Variants in ESR2 observed in about 807,000 individuals in gnomAD.
ESR2 encodes estrogen receptor beta.
A neutral mutation model predicts 49.6 loss-of-function variants in ESR2; 36 were observed. The observed-to-expected ratio is 0.73, with a 90% CI of 0.56 to 0.96. The LOEUF (loss-of-function observed/expected upper bound fraction) is 0.96, where lower values mean the gene tolerates loss of function less well. Among genes scored for constraint, ESR2 ranks in the 40% least tolerant of loss-of-function variants. The pLI is 0.00. For missense variants in ESR2, 714 were observed against 693.0 expected (o/e 1.03, Z -0.34); for synonymous variants, 320 against 266.1 (o/e 1.20, Z -1.97).
chr14:64,287,827 C>T (rs2076806335), intron 1 of ESR2, among the ~76,000 whole-genome samples: 1 of 152,148 alleles, frequency 6.6e-6, no homozygotes, highest in African/African-American at 2.4e-5. Flanking sequence ...ATTTCTTTAA[C>T]ATTGTAGGGC....
In ESR2 at chr14:64,229,612, A is replaced by AAGAAAAAT. The variant is rs2098725376; in HGVS notation, c.*3524_*3525insATTTTTCT. ...TGCAGTTTTAAAATATTTTTCTTTA[A>AAGAAAAAT]ATTTTTAAACTGTTTGAAGTGCATG... is the stretch of plus-strand genomic sequence containing the variant. On this transcript the variant is annotated 3_prime_UTR_variant, in exon 9 of 9. Coordinates refer to ENST00000341099, the MANE Select transcript of ESR2 (RefSeq NM_001437.3). Among the ~76,000 whole-genome samples the AAGAAAAAT allele has an allele frequency of 2.0e-5, 3 of 152,068 alleles. No individual in the cohort carries two copies. Among genetic ancestry groups the AAGAAAAAT allele is most frequent in the Non-Finnish European group, 2.9e-5 (2 of 68,000 alleles).
intron 3 of ESR2, among the ~76,000 whole-genome samples, chr14:64,275,939 GATTT>G (rs542543567): frequency 3.2e-4 from 49 of 152,054 alleles, no homozygotes; most frequent in Non-Finnish European, 5.6e-4. Context: ...AAAATGAATG[GATTT>G]ATTAAGTAAA....
chr14:64,323,956 T>G (rs1051152853), intron 1 of ESR2, among the ~76,000 whole-genome samples: 5 of 152,228 alleles, frequency 3.3e-5, no homozygotes. Flanking sequence ...CCTCCCAAAG[T>G]GCTGGGATTA....
intron 3 of ESR2, among the ~76,000 whole-genome samples, chr14:64,273,655 G>A (rs2076495052): frequency 6.6e-6 from 1 of 152,096 alleles, no homozygotes; most frequent in Non-Finnish European, 1.5e-5. Flanking sequence ...AATTCCACCT[G>A]GTTATGATGA....
chr14:64,332,206 C>A (rs867840245), intron 1 of ESR2: 33 of 152,236 alleles, frequency 2.2e-4, no homozygotes, highest in African/African-American at 7.7e-4. Flanking sequence ...AGAAAACACA[C>A]ACACACCTTG....
chr14:64,288,375 G>A (rs370425961), intron 1 of ESR2, among the ~76,000 whole-genome samples: 2 of 143,780 alleles, frequency 1.4e-5, no homozygotes, highest in Admixed American at 7.0e-5. Context: ...TTGAGATGGA[G>A]TCTTGCTCTG....
At chr14:64,265,389 T>C (rs1282534283) in intron 4 of ESR2, among the ~76,000 whole-genome samples, 1 of 152,156 alleles carries the variant, frequency 6.6e-6, no homozygotes, top group Non-Finnish European at 1.5e-5. Context: ...ACTATTACTG[T>C]CTCCAATGTA....
upstream of ESR2, chr14:64,298,537 A>G (rs1033582956): frequency 2.0e-5 from 3 of 152,190 alleles, no homozygotes; most frequent in African/African-American, 7.2e-5. Flanking sequence ...ACCTATGAGC[A>G]TATTTATGTA....
chr14:64,265,755 A>G (rs1206218934), intron 4 of ESR2, among the ~76,000 whole-genome samples: 2 of 152,220 alleles, frequency 1.3e-5, no homozygotes, highest in Non-Finnish European at 2.9e-5. Flanking sequence ...GACCACATCC[A>G]TACTTCAGTA....
intron 3 of ESR2, among the ~76,000 whole-genome samples, chr14:64,269,942 G>A (rs7154455): frequency 6.6e-6 from 1 of 151,938 alleles, no homozygotes; most frequent in African/African-American, 2.4e-5. Context: ...TGCTGTAGTT[G>A]TGCAAATGAG....
intron 1 of ESR2, among the ~76,000 whole-genome samples, chr14:64,306,320 C>G (rs2077098254): frequency 6.6e-6 from 1 of 152,100 alleles, no homozygotes; most frequent in African/African-American, 2.4e-5. Flanking sequence ...TTTTTCTCAT[C>G]TAAATGCTTC....
intron 1 of ESR2, among the ~76,000 whole-genome samples, chr14:64,325,204 A>G (rs902280649): frequency 6.6e-6 from 1 of 152,218 alleles, no homozygotes; most frequent in Non-Finnish European, 1.5e-5. Context: ...TTATTTAACA[A>G]AAGAATGTAA....
At chr14:64,311,055 G>A (rs2077182695) in intron 1 of ESR2, among the ~76,000 whole-genome samples, 1 of 151,990 alleles carries the variant, frequency 6.6e-6, no homozygotes, top group African/African-American at 2.4e-5. Flanking sequence ...TTTACTCACA[G>A]TTCTCTAAAA....
rs1344725309 is a variant in ESR2, at chr14:64,233,113, G to T, written c.*24C>A. On this transcript the variant is annotated 3_prime_UTR_variant, in exon 9 of 9. Coordinates refer to ENST00000341099, the MANE Select transcript of ESR2 (RefSeq NM_001437.3). The stretch of plus-strand genomic sequence containing the variant: ...ACGCTTCAGCCTGTGACCTCTGTGG[G>T]CCAGTTCACCTCAGGGCCAGGCGTC... 5.0e-6 allele frequency: 8 copies of T among 1,605,920 alleles called. No homozygotes were observed. In the East Asian group the frequency reaches 1.3e-4, roughly 27 times the overall value.
intron 4 of ESR2, among the ~76,000 whole-genome samples, chr14:64,266,005 G>C (rs2076321736): frequency 6.6e-6 from 1 of 152,206 alleles, no homozygotes; most frequent in African/African-American, 2.4e-5. Flanking sequence ...TCTATGGTCA[G>C]TGAAGGGCAA....
At chr14:64,282,474 A>G (rs1257685710) in intron 2 of ESR2, 150 bp downstream of exon 2, 4 of 768,466 alleles carry the variant, frequency 5.2e-6, no homozygotes, top group Non-Finnish European at 8.2e-6. Flanking sequence ...TCAGAATAGA[A>G]CAGGGCATCC....
intron 1 of ESR2, among the ~76,000 whole-genome samples, chr14:64,331,571 A>G (rs1053792658): frequency 5.9e-5 from 9 of 152,156 alleles, no homozygotes; most frequent in African/African-American, 2.2e-4. Flanking sequence ...TCACGCTGGT[A>G]ATCCCAGCAC....
At chr14:64,291,607 G>A (rs2076871224) in intron 1 of ESR2, among the ~76,000 whole-genome samples, 1 of 152,136 alleles carries the variant, frequency 6.6e-6, no homozygotes, top group South Asian at 2.1e-4. Flanking sequence ...ATTGAATACT[G>A]TGTTAAACAG....
At chr14:64,267,260 T>A (rs1439798150) in intron 4 of ESR2, among the ~76,000 whole-genome samples, 1 of 152,234 alleles carries the variant, frequency 6.6e-6, no homozygotes, top group Non-Finnish European at 1.5e-5. Flanking sequence ...TTAAATTTTA[T>A]AATGTAACAA....
Sources: allele counts gnomAD v4.1 joint callset (sites outside exome capture counted in the v4.1 genomes callset), GRCh38; gene constraint gnomAD v4.1.1; transcripts MANE v1.5; gene names NCBI Gene and HGNC (gene_info 2026-07-23, HGNC 2026-07-21).